Variants in TSGA10IP observed in about 807,000 individuals in gnomAD.
TSGA10IP encodes the protein testis specific 10 interacting protein, also known as testis-specific protein 10-interacting protein.
TSGA10IP carries 64 observed loss-of-function variants against 63.2 expected under a neutral mutation model. The ratio of observed to expected loss-of-function variants is 1.01; its 90% CI spans 0.83 to 1.25. The LOEUF (loss-of-function observed/expected upper bound fraction) is 1.25, where lower values mean the gene tolerates loss of function less well. TSGA10IP is among the 50% of genes most tolerant of loss of function. The probability of loss-of-function intolerance (pLI) is 0.00; values close to 1 mark genes in which losing one functional copy is unlikely to be tolerated. For synonymous variants in TSGA10IP, 316 were observed against 298.3 expected (o/e 1.06, Z -0.61); for missense variants, 681 against 710.1 (o/e 0.96, Z 0.47).
At chr11:65,945,846 C>T in intron 1 of TSGA10IP, 24 bp downstream of exon 1, 2 of 1,610,330 alleles carry the variant, frequency 1.2e-6, no homozygotes, top group Non-Finnish European at 1.7e-6. Context: ...AGTGAGGACA[C>T]TTCCAGCTGC....
chr11:65,945,731 C>T (rs1289466656), exon 1 of TSGA10IP: 13 of 1,610,752 alleles, frequency 8.1e-6, no homozygotes, highest in East Asian at 4.5e-5. Context: ...AGGACCCCGT[C>T]GGTGCGACCA....
chr11:65,951,847 CTT>C (rs1474460953), intron 4 of TSGA10IP, among the ~76,000 whole-genome samples: 1 of 147,940 alleles, frequency 6.8e-6, no homozygotes, highest in Non-Finnish European at 1.5e-5. Context: ...TGCCCTGACT[CTT>C]TGCCTTTTTT....
chr11:65,947,501 G>A lies in TSGA10IP; in HGVS notation c.676G>A (p.Glu226Lys), dbSNP rs769052660. The A allele has an allele frequency of 2.7e-5, 43 of 1,613,196 alleles. No homozygotes were observed. In the East Asian group the frequency reaches 2.7e-4, roughly 10 times the overall value. The change falls in exon 3 of 8, where the codon GAG becomes AAG. Residue 226 changes from glutamate (E) to lysine (K), a missense_variant. Physicochemically the swap from Glu to Lys is moderately conservative, Grantham distance 56. Coordinates refer to ENST00000532620, the Ensembl canonical transcript of TSGA10IP. The stretch of plus-strand genomic sequence containing the variant: ...GCAAAGCCTGGGTGCTGAGGAGGCC[G>A]AGAGGGGTCTGAGTTCTGGGGTGCT...
In TSGA10IP at chr11:65,947,137, C is replaced by T. The variant is rs376382397; in HGVS notation, c.312C>T (p.Pro104=). Reference sequence around the variant, plus strand: ...ACTTCCCGCTTCTTCCTCGGAAACCCTCCTTCCCCTTCCAGTGGGCCTGGG... The same window carrying T: ...ACTTCCCGCTTCTTCCTCGGAAACCTTCCTTCCCCTTCCAGTGGGCCTGGG... Residue 104 remains proline, a synonymous_variant, in exon 3 of 8, where the codon CCC becomes CCT. Coordinates refer to ENST00000532620, the Ensembl canonical transcript of TSGA10IP. 2.3e-5 allele frequency: 37 copies of T among 1,612,122 alleles called. No individual in the cohort carries two copies. In the African/African-American group the frequency reaches 4.8e-4, roughly 21 times the overall value.
intron 1 of TSGA10IP, 139 bp from the exon 2 acceptor site, chr11:65,946,741 G>T: frequency 1.0e-6 from 1 of 957,990 alleles, no homozygotes; most frequent in Admixed American, 2.7e-5. Context: ...GCCCTGTTTG[G>T]TTGGTTTTTA....
At chr11:65,959,428 G>A in intron 7 of TSGA10IP, 114 bp downstream of exon 7, 1 of 1,460,968 alleles carries the variant, frequency 6.8e-7, no homozygotes, top group Non-Finnish European at 9.1e-7. Flanking sequence ...AGAGAGCCCA[G>A]AGGAAGGCAA....
In TSGA10IP at chr11:65,945,581, GC is replaced by G. The variant is rs1481527114; in HGVS notation, c.-94del. On this transcript the variant is annotated 5_prime_UTR_variant, in exon 1 of 8. The change abolishes the stop of an existing upstream ORF in the 5' untranslated region. Transcript: ENST00000532620. ...TACCCCACTGACCCCTTCCTAGCAT[GC>G]TTTTTGCCAGACCCATTGAGACTGG... 24 of 1,441,380 alleles carry G rather than the reference GC, an allele frequency of 1.7e-5. No homozygotes were observed. The highest frequency in any genetic ancestry group is 2.3e-5 in the Non-Finnish European group (24 of 1,053,520). The allele number at this position is 1,441,380 out of a possible 1,614,324, so 89.3% of individuals were successfully genotyped here. A position where few individuals can be genotyped will look rare whatever the true frequency, so the allele number is the denominator to read the frequency against.
At chr11:65,949,357 C>T (rs531836641) in intron 4 of TSGA10IP, among the ~76,000 whole-genome samples, 48 of 151,696 alleles carry the variant, frequency 3.2e-4, no homozygotes, top group Non-Finnish European at 5.7e-4. Flanking sequence ...GCCATGGTGA[C>T]TGGTGACAGG....
intron 5 of TSGA10IP, among the ~76,000 whole-genome samples, chr11:65,954,128 G>C (rs566522314): frequency 6.6e-6 from 1 of 152,100 alleles, no homozygotes; most frequent in East Asian, 1.9e-4. Context: ...GTCAGCTGAA[G>C]AGTCGCGTTT....
intron 5 of TSGA10IP, among the ~76,000 whole-genome samples, chr11:65,956,135 CTTTTTTT>C (rs1357746313): frequency 9.2e-6 from 1 of 109,150 alleles, no homozygotes; most frequent in Non-Finnish European, 2.0e-5. Context: ...GAGGCTCAGT[CTTTTTTT>C]TTTTTTTTTT....
At chr11:65,950,393 TTTATTTATTTATTTATTTAGAGAC>T (rs1005207079) in intron 4 of TSGA10IP, among the ~76,000 whole-genome samples, 43 of 151,854 alleles carry the variant, frequency 2.8e-4, no homozygotes, top group Admixed American at 2.2e-3. Flanking sequence ...TTTGACTTTA[TTTATTTATTTATTTATTTAGAGAC>T]AGGGTCTTGC....
At chr11:65,953,693 G>C in exon 5 of TSGA10IP, 2 of 1,582,558 alleles carry the variant, frequency 1.3e-6, no homozygotes, top group East Asian at 2.3e-5. Flanking sequence ...CACCCAGAGG[G>C]AGCCGGGGCC....
intron 4 of TSGA10IP, among the ~76,000 whole-genome samples, chr11:65,950,311 ACATCTCC>A (rs1854922884): frequency 6.6e-6 from 1 of 152,060 alleles, no homozygotes; most frequent in African/African-American, 2.4e-5. Context: ...CCTTTGACCA[ACATCTCC>A]CTTCTTCTCC....
At position 65,947,739 on chromosome 11, in the gene TSGA10IP, G is replaced by C. The variant is rs7927841; in HGVS notation, c.914G>C (p.Arg305Pro). 4.1e-3 allele frequency: 6,530 copies of C among 1,590,722 alleles called. 233 individuals carry two copies. In the African/African-American group the frequency reaches 0.078, roughly 19 times the overall value. The change falls in exon 3 of 8, where the codon CGA (arginine) becomes CCA (proline). Residue 305 changes from arginine to proline, a missense_variant. Physicochemically the swap from Arg to Pro is moderately radical, Grantham distance 103. Coordinates refer to ENST00000532620, the Ensembl canonical transcript of TSGA10IP. Reference sequence around the variant, plus strand: ...CCCAGCTTCAACAACCTCCGAAGGCGACAATGGAGGAAGACAAGGGCCAAG... The same window carrying C: ...CCCAGCTTCAACAACCTCCGAAGGCCACAATGGAGGAAGACAAGGGCCAAG...
At chr11:65,948,273 G>C in intron 4 of TSGA10IP, 125 bp downstream of exon 4, 1 of 1,177,894 alleles carries the variant, frequency 8.5e-7, no homozygotes. Flanking sequence ...CCAAACTTTT[G>C]GATCATCCAT....
At position 65,946,868 on chromosome 11, in the gene TSGA10IP, G is replaced by C. The variant is rs1357646042; in HGVS notation, c.148-12G>C. On this transcript the variant is annotated splice_polypyrimidine_tract_variant and intron_variant, in intron 1 of 7. Coordinates refer to ENST00000532620, the Ensembl canonical transcript of TSGA10IP. ...TCAAGCTGGCTGCTCCTCCCCTACT[G>C]TCTCTGCCCAGGGCTGCCTGGGGAG... 6.8e-6 allele frequency: 11 copies of C among 1,613,086 alleles called. No individual in the cohort carries two copies. The South Asian group carries it at 9.9e-5, about 15-fold the overall frequency.
intron 5 of TSGA10IP, among the ~76,000 whole-genome samples, chr11:65,955,619 A>AG (rs1428113029): frequency 3.3e-5 from 5 of 152,148 alleles, no homozygotes; most frequent in African/African-American, 1.2e-4. Flanking sequence ...TTTCAAAAAA[A>AG]AAAAAAAGAG....
chr11:65,948,072 G>A lies in TSGA10IP; in HGVS notation c.1075G>A (p.Ala359Thr), dbSNP rs758257299. The change falls in exon 4 of 8, where the codon GCC becomes ACC. Residue 359 changes from alanine to threonine, a missense_variant. By Grantham distance (58) the Ala-to-Thr change is moderately conservative. Transcript: ENST00000532620. ...CTCCAAGCGGAATGGAAAGGCCTAT[G>A]CCTCGGGATACGATGAAACTTTCGT... The A allele has an allele frequency of 1.2e-5, 19 of 1,588,330 alleles. No individual in the cohort carries two copies. The highest frequency in any genetic ancestry group is 1.6e-5 in the Non-Finnish European group (19 of 1,167,498).
chr11:65,945,749 A>T, exon 1 of TSGA10IP: 1 of 1,612,930 alleles, frequency 6.2e-7, no homozygotes, highest in African/African-American at 1.3e-5. Context: ...CCAGGGCAGG[A>T]CGTGCGGCTC....
Sources: allele counts gnomAD v4.1 joint callset (sites outside exome capture counted in the v4.1 genomes callset), GRCh38; gene constraint gnomAD v4.1.1; transcripts MANE v1.5; gene names NCBI Gene and HGNC (gene_info 2026-07-23, HGNC 2026-07-21).